The following PRKD1 variants were observed in gnomAD, a reference collection of about 807,000 sequenced individuals.
PRKD1 encodes the protein protein kinase D1, also known as serine/threonine-protein kinase D1.
A neutral mutation model predicts 95.9 loss-of-function variants in PRKD1; 63 were observed. That is an observed-to-expected ratio of 0.66 (90% CI 0.54 to 0.81). The LOEUF (loss-of-function observed/expected upper bound fraction) is 0.81, where lower values mean the gene tolerates loss of function less well. PRKD1 is among the 30% of genes least tolerant of loss of function. The pLI, the probability that PRKD1 is intolerant of heterozygous loss-of-function variation, is 0.00. For synonymous variants in PRKD1, 425 were observed against 423.1 expected, an observed-to-expected ratio of 1.00 and a Z score of -0.05; for missense variants, 1,048 against 1,165.3, an observed-to-expected ratio of 0.90 and a Z score of 1.47.
At position 29,869,637 on chromosome 14, in the gene PRKD1, A is replaced by G. The variant is rs529612545; in HGVS notation, c.264+57612T>C. ...AAGAGAATTAGATAAAAGTATAAAT[A>G]TATTTAAAAATCAAACAGCAAATAT... On this transcript the variant is annotated intron_variant, in intron 1 of 17. Transcript: ENST00000331968. 3.9e-5 allele frequency among the ~76,000 whole-genome samples: 6 copies of G among 152,292 alleles called. No homozygotes were observed. In the East Asian group the frequency reaches 9.7e-4, roughly 25 times the overall value.
chr14:29,667,359 T>C (rs1882583924), intron 2 of PRKD1, among the ~76,000 whole-genome samples: 2 of 152,258 alleles, frequency 1.3e-5, no homozygotes, highest in South Asian at 2.1e-4. Flanking sequence ...TGTAAGATTT[T>C]ATTTTACGAG....
At chr14:29,738,718 C>T (rs1426197539) in intron 1 of PRKD1, among the ~76,000 whole-genome samples, 5 of 152,146 alleles carry the variant, frequency 3.3e-5, no homozygotes, top group Non-Finnish European at 5.9e-5. Flanking sequence ...CCTGCAATCA[C>T]GTAACCTTCT....
At chr14:29,841,099 T>C (rs1318178197) in intron 1 of PRKD1, among the ~76,000 whole-genome samples, 1 of 152,260 alleles carries the variant, frequency 6.6e-6, no homozygotes, top group East Asian at 1.9e-4. Flanking sequence ...ATTTCTCTCA[T>C]TTGGAATGGC....
Position 29,801,141 on chromosome 14 carries a change from A to T in PRKD1, c.265-75467T>A, listed in dbSNP as rs758375982. On this transcript the variant is annotated intron_variant, in intron 1 of 17. Transcript: ENST00000331968. ...GTAGAGACTGGAAAATCCAAAATCT[A>T]AGGGCAGGCAAGCTAGCTAGAAACT... Among the ~76,000 whole-genome samples, 6 of 151,978 alleles carry T rather than the reference A, an allele frequency of 3.9e-5. No individual in the cohort carries two copies. The South Asian group carries it at 1.2e-3, about 32-fold the overall frequency.
intron 12 of PRKD1, among the ~76,000 whole-genome samples, chr14:29,624,512 GT>G (rs1879487684): frequency 6.6e-6 from 1 of 151,788 alleles, no homozygotes; most frequent in African/African-American, 2.4e-5. Flanking sequence ...TCAACACCCT[GT>G]TTTTTTCATA....
intron 1 of PRKD1, among the ~76,000 whole-genome samples, chr14:29,768,584 T>C (rs1229061376): frequency 6.6e-6 from 1 of 152,134 alleles, no homozygotes; most frequent in Non-Finnish European, 1.5e-5. Context: ...GATCCCCACA[T>C]GTGTATCTGG....
rs143431847 is a variant in PRKD1 at position 29,598,607 on chromosome 14, A to G, written c.2166+420T>C. ...TAGGGAAGCAAGGCAGGACAGTCAC[A>G]TCAGTCAAGTCACTTCAGACCTATA... On this transcript the variant is annotated intron_variant, in intron 15 of 17. Coordinates refer to ENST00000331968, the MANE Select transcript of PRKD1 (RefSeq NM_002742.3). Among the ~76,000 whole-genome samples the G allele has an allele frequency of 3.4e-3, 525 of 152,338 alleles. 2 individuals carry two copies. The highest frequency in any genetic ancestry group is 0.011 in the African/African-American group (470 of 41,584).
intron 1 of PRKD1, among the ~76,000 whole-genome samples, chr14:29,876,678 C>T (rs1303234606): frequency 1.3e-5 from 2 of 149,994 alleles, no homozygotes; most frequent in Non-Finnish European, 3.0e-5. Context: ...ACTCTAGTAT[C>T]TATTTTATAA....
At chr14:29,823,224 T>C (rs1301799210) in intron 1 of PRKD1, among the ~76,000 whole-genome samples, 2 of 152,212 alleles carry the variant, frequency 1.3e-5, no homozygotes, top group African/African-American at 2.4e-5. Flanking sequence ...TAGAGAATTG[T>C]ATAATTTTCA....
At chr14:29,670,137 A>T (rs570046543) in intron 2 of PRKD1, among the ~76,000 whole-genome samples, 1 of 152,362 alleles carries the variant, frequency 6.6e-6, no homozygotes, top group African/African-American at 2.4e-5. Flanking sequence ...TAAGTAAAGC[A>T]GTCCTAATAA....
At chr14:29,756,855 T>G (rs1887723721) in intron 1 of PRKD1, among the ~76,000 whole-genome samples, 1 of 152,352 alleles carries the variant, frequency 6.6e-6, no homozygotes, top group Non-Finnish European at 1.5e-5. Context: ...GCTCTTTCAG[T>G]TAGCTATTCT....
At chr14:29,880,490 G>A (rs1235343789) in intron 1 of PRKD1, among the ~76,000 whole-genome samples, 1 of 152,154 alleles carries the variant, frequency 6.6e-6, no homozygotes, top group Admixed American at 6.5e-5. Context: ...CAAACTTGGA[G>A]GGCCCTCATG....
chr14:29,789,083 C>T (rs1889411433), intron 1 of PRKD1, among the ~76,000 whole-genome samples: 1 of 152,004 alleles, frequency 6.6e-6, no homozygotes, highest in Admixed American at 6.6e-5. Context: ...GACAGGGTCT[C>T]ATATGTTGCC....
chr14:29,827,268 A>T (rs1891235678), intron 1 of PRKD1, among the ~76,000 whole-genome samples: 1 of 152,050 alleles, frequency 6.6e-6, no homozygotes, highest in African/African-American at 2.4e-5. Context: ...AAGTTATCAA[A>T]TATTCTTGAG....
In PRKD1 at chr14:29,663,786, C is replaced by G; in HGVS notation, c.609G>C (p.Arg203Ser). Reference protein sequence around the residue: ...PNNCSGVRRRRLSNVSLTGVS... With the variant: ...PNNCSGVRRRSLSNVSLTGVS... The stretch of plus-strand genomic sequence containing the variant: ...CCCCAGTGAGGGAAACGTTTGAGAG[C>G]CTTCTCCGCCTCACACCGCTGCAAT... Residue 203 changes from arginine (R) to serine (S), a missense_variant, in exon 4 of 18, where the codon AGG becomes AGC. Around this residue, in one of 3 missense-constraint regions of PRKD1, gnomAD observed 275 missense variants for 248.6 expected, o/e 1.11. Coordinates refer to ENST00000331968, the MANE Select transcript of PRKD1 (RefSeq NM_002742.3). 1.2e-6 allele frequency: 2 copies of G among 1,614,042 alleles called. No individual in the cohort carries two copies. The highest frequency in any genetic ancestry group is 4.5e-5 in the East Asian group (2 of 44,874).
intron 9 of PRKD1, among the ~76,000 whole-genome samples, chr14:29,632,302 T>C (rs1880058851): frequency 1.3e-5 from 2 of 152,106 alleles, no homozygotes; most frequent in Non-Finnish European, 2.9e-5. Context: ...TGCATTCATT[T>C]TGAAGGAGCA....
chr14:29,696,182 T>C (rs1482070443), intron 2 of PRKD1, among the ~76,000 whole-genome samples: 4 of 152,166 alleles, frequency 2.6e-5, no homozygotes, highest in Non-Finnish European at 4.4e-5. Flanking sequence ...AGCTGAACAT[T>C]ACACATATGA....
intron 1 of PRKD1, among the ~76,000 whole-genome samples, chr14:29,811,655 C>T (rs1890489856): frequency 6.6e-6 from 1 of 152,192 alleles, no homozygotes; most frequent in Non-Finnish European, 1.5e-5. Flanking sequence ...TGCGCAGGAG[C>T]AGGGAAGAAG....
chr14:29,775,223 C>A (rs111647126), intron 1 of PRKD1, among the ~76,000 whole-genome samples: 11 of 152,298 alleles, frequency 7.2e-5, no homozygotes, highest in Non-Finnish European at 1.3e-4. Flanking sequence ...GTGTGAGCGA[C>A]GCAGAAGGCG....
Sources: allele counts gnomAD v4.1 joint callset (sites outside exome capture counted in the v4.1 genomes callset), GRCh38; gene constraint gnomAD v4.1.1; regional missense constraint gnomAD v4.1.1; transcripts MANE v1.5; gene names NCBI Gene and HGNC (gene_info 2026-07-23, HGNC 2026-07-21).